The following CR1 variants were observed in gnomAD, a reference collection of about 807,000 sequenced individuals.
The protein encoded by CR1 is complement receptor type 1.
In CR1, 116 loss-of-function variants were observed where a neutral mutation model predicts 187.3. That is an observed-to-expected ratio of 0.62 (90% CI 0.53 to 0.72). The LOEUF (loss-of-function observed/expected upper bound fraction) is 0.72. Ranked by LOEUF, CR1 falls within the 30% of genes least tolerant of loss-of-function variation. CR1 has a pLI of 0.00. For missense variants in CR1, 1,731 were observed against 2,110.7 expected (o/e 0.82, Z 3.52); for synonymous variants, 576 against 747.1 (o/e 0.77, Z 3.73).
chr1:207,502,425 G>A (rs954941823), intron 1 of CR1, among the ~76,000 whole-genome samples: 3 of 149,806 alleles, frequency 2.0e-5, no homozygotes, highest in African/African-American at 5.1e-5. Flanking sequence ...TATGGCCATA[G>A]GCAGGCTGGG....
In CR1 at chr1:207,575,598, C is replaced by G. The variant is rs747792543; in HGVS notation, c.4455C>G (p.His1485Gln). 8.7e-6 allele frequency: 14 copies of G among 1,611,840 alleles called. No homozygotes were observed. The East Asian group carries it at 3.1e-4, about 36-fold the overall frequency. Residue 1485 changes from histidine (H) to glutamine (Q), a missense_variant, in exon 28 of 47, where the codon CAC becomes CAG. This residue lies in a region of CR1 where 1,312 missense variants were observed against 1,379.6 expected (regional missense o/e 0.95). Coordinates refer to ENST00000367049, the MANE Select transcript of CR1 (RefSeq NM_000651.6). ...SRINYSCTTG[H>Q]RLIGHSSAEC... Reference sequence around the variant, plus strand: ...ATTTTCCATTTTTTGCCTTTAGGCACCGACTCATTGGTCACTCATCTGCTG... The same window carrying G: ...ATTTTCCATTTTTTGCCTTTAGGCAGCGACTCATTGGTCACTCATCTGCTG...
chr1:207,578,979 G>A (rs754446850), intron 29 of CR1, among the ~76,000 whole-genome samples: 17 of 152,128 alleles, frequency 1.1e-4, no homozygotes, highest in African/African-American at 1.7e-4. Flanking sequence ...AGCCATCCAC[G>A]TCCTACATTT....
intron 1 of CR1, 99 bp downstream of exon 1, chr1:207,496,487 G>A: frequency 2.3e-6 from 3 of 1,276,800 alleles, no homozygotes; most frequent in Non-Finnish European, 3.1e-6. Context: ...TGCTCTGCGC[G>A]CCCGGGTCCG....
intron 27 of CR1, among the ~76,000 whole-genome samples, chr1:207,574,565 A>G (rs1455316799): frequency 6.6e-6 from 1 of 152,188 alleles, no homozygotes; most frequent in Non-Finnish European, 1.5e-5. Context: ...AGAAAAAACA[A>G]CAATAAAAAA....
At chr1:207,637,301 T>C (rs1662844692) in intron 46 of CR1, among the ~76,000 whole-genome samples, 1 of 152,244 alleles carries the variant, frequency 6.6e-6, no homozygotes, top group Admixed American at 6.5e-5. Context: ...CCTGTGCAAT[T>C]GTGGTAGAAT....
intron 4 of CR1, among the ~76,000 whole-genome samples, chr1:207,522,953 C>G (rs1245018125): frequency 6.6e-6 from 1 of 152,088 alleles, no homozygotes; most frequent in Admixed American, 6.5e-5. Context: ...ACACAGATAT[C>G]ATCTTATGAT....
At chr1:207,634,643 G>T (rs2102419323) in intron 46 of CR1, among the ~76,000 whole-genome samples, 1 of 152,226 alleles carries the variant, frequency 6.6e-6, no homozygotes, top group Non-Finnish European at 1.5e-5. Flanking sequence ...GGCCTCATCA[G>T]GAGGGGTGTC....
rs116488182 is a variant in CR1, at chr1:207,575,942, G to T, written c.4537+262G>T. On this transcript the variant is annotated intron_variant, in intron 28 of 46. Transcript: ENST00000367049. Reference sequence around the variant, plus strand: ...CCAGCCCCCAATGTCCTCTTCTGTTGGTTGAGCACCTCGCAGTTTGAAGAG... The same window carrying T: ...CCAGCCCCCAATGTCCTCTTCTGTTTGTTGAGCACCTCGCAGTTTGAAGAG... Among the ~76,000 whole-genome samples, 258 of 152,048 alleles carry T rather than the reference G, an allele frequency of 1.7e-3. 4 individuals are homozygous for T. Among genetic ancestry groups the T allele is most frequent in the African/African-American group, 6.2e-3 (255 of 41,456 alleles).
At chr1:207,565,131 A>G (rs1464594260) in intron 23 of CR1, among the ~76,000 whole-genome samples, 1 of 149,942 alleles carries the variant, frequency 6.7e-6, no homozygotes. Flanking sequence ...ACATCTCTAC[A>G]CAGGAGCTGA....
At chr1:207,595,430 A>G (rs989468486) in intron 35 of CR1, among the ~76,000 whole-genome samples, 1 of 152,158 alleles carries the variant, frequency 6.6e-6, no homozygotes, top group Non-Finnish European at 1.5e-5. Flanking sequence ...CCCCGGCCCT[A>G]CATGGAAGAA....
At chr1:207,631,367 C>T (rs144039718) in intron 46 of CR1, among the ~76,000 whole-genome samples, 3 of 152,310 alleles carry the variant, frequency 2.0e-5, no homozygotes, top group Admixed American at 2.0e-4. Context: ...GGCACAGCCA[C>T]ACCCAATCGT....
chr1:207,610,483 C>T (rs954103172), intron 37 of CR1, among the ~76,000 whole-genome samples: 3 of 152,108 alleles, frequency 2.0e-5, no homozygotes, highest in African/African-American at 7.2e-5. Flanking sequence ...CAGGTGCTCA[C>T]TACCACACCT....
At chr1:207,619,416 A>ATAAATTT (rs558477825) in intron 42 of CR1, among the ~76,000 whole-genome samples, 31 of 151,806 alleles carry the variant, frequency 2.0e-4, no homozygotes, top group Non-Finnish European at 3.7e-4. Flanking sequence ...AGAAAGAAAG[A>ATAAATTT]TAAATTTTAA....
intron 42 of CR1, 99 bp from the exon 43 acceptor site, chr1:207,619,781 A>C: frequency 9.5e-7 from 1 of 1,048,856 alleles, no homozygotes; most frequent in Non-Finnish European, 1.4e-6. Context: ...CCTCTTAGCC[A>C]AGGGCAAAAT....
At position 207,578,011 on chromosome 1, in the gene CR1, T is replaced by C; in HGVS notation, c.4744T>C (p.Cys1582Arg). The C allele has an allele frequency of 6.2e-7, 1 of 1,611,796 alleles. No individual in the cohort carries two copies. Among genetic ancestry groups the C allele is most frequent in the Non-Finnish European group, 8.5e-7 (1 of 1,179,680 alleles). Residue 1582 changes from cysteine (C) to arginine (R), a missense_variant, in exon 29 of 47, where the codon TGC becomes CGC. This residue lies in a region of CR1 where 1,312 missense variants were observed against 1,379.6 expected (regional missense o/e 0.95). Coordinates refer to ENST00000367049, the MANE Select transcript of CR1 (RefSeq NM_000651.6). ...CATCTGGAGCGGCCCCGCCCCTCAG[T>C]GCATTATACCTAACAAATGCACGCC... is the stretch of plus-strand genomic sequence containing the variant. ...VGIWSGPAPQCIIPNKCTPPN... is the reference protein window; with the variant it reads ...VGIWSGPAPQRIIPNKCTPPN...
At chr1:207,503,567 A>G (rs1343167595) in intron 1 of CR1, among the ~76,000 whole-genome samples, 1 of 152,100 alleles carries the variant, frequency 6.6e-6, no homozygotes, top group Non-Finnish European at 1.5e-5. Flanking sequence ...CCAGCACCAT[A>G]GTGTCTCTGA....
chr1:207,617,559 G>GTA (rs1208742067), intron 41 of CR1, among the ~76,000 whole-genome samples: 2 of 82,922 alleles, frequency 2.4e-5, no homozygotes, highest in East Asian at 3.0e-4. Context: ...ATATATATGT[G>GTA]TATATATATG....
At chr1:207,581,330 A>C (rs182539869) in intron 31 of CR1, among the ~76,000 whole-genome samples, 78 of 132,886 alleles carry the variant, frequency 5.9e-4, no homozygotes, top group East Asian at 3.9e-3. Context: ...GTATACATGT[A>C]CATGTGTATA....
chr1:207,639,587 C>T lies in CR1; in HGVS notation c.*178C>T. 3.3e-6 allele frequency: 2 copies of T among 597,404 alleles called. No individual in the cohort carries two copies. The highest frequency in any genetic ancestry group is 5.9e-6 in the Non-Finnish European group (2 of 338,508). 37.0% of individuals were successfully genotyped at this position (597,404 alleles called of 1,614,324 possible). On this transcript the variant is annotated 3_prime_UTR_variant, in exon 47 of 47. Coordinates refer to ENST00000367049, the MANE Select transcript of CR1 (RefSeq NM_000651.6). Reference sequence around the variant, plus strand: ...CTGGTACCTAGCAAAGCTCCTGCCTCTTTGTGTGCGTCACTGTGAAACCCC... The same window carrying T: ...CTGGTACCTAGCAAAGCTCCTGCCTTTTTGTGTGCGTCACTGTGAAACCCC...
Sources: allele counts gnomAD v4.1 joint callset (sites outside exome capture counted in the v4.1 genomes callset), GRCh38; gene constraint gnomAD v4.1.1; regional missense constraint gnomAD v4.1.1; transcripts MANE v1.5; gene names NCBI Gene and HGNC (gene_info 2026-07-23, HGNC 2026-07-21).